Variants in SORCS2 observed in about 807,000 individuals in gnomAD.
SORCS2 encodes the protein sortilin related VPS10 domain containing receptor 2.
A neutral mutation model predicts 141.6 loss-of-function variants in SORCS2; 100 were observed. The ratio of observed to expected loss-of-function variants is 0.71; its 90% CI spans 0.60 to 0.83. The LOEUF is 0.83. SORCS2 is among the 40% of genes least tolerant of loss of function. The pLI, the probability that SORCS2 is intolerant of heterozygous loss-of-function variation, is 0.00. For synonymous variants in SORCS2, 789 were observed against 676.9 expected, an observed-to-expected ratio of 1.17 and a Z score of -2.57; for missense variants, 1,646 against 1,560.2, an observed-to-expected ratio of 1.05 and a Z score of -0.93.
intron 25 of SORCS2, among the ~76,000 whole-genome samples, chr4:7,736,693 G>A (rs1401773548): frequency 6.6e-6 from 1 of 152,202 alleles, no homozygotes; most frequent in Non-Finnish European, 1.5e-5. Context: ...CCTCCTGCGG[G>A]AATGTGTGCC....
intron 1 of SORCS2, among the ~76,000 whole-genome samples, chr4:7,253,686 C>T (rs961852082): frequency 2.3e-4 from 35 of 152,314 alleles, no homozygotes; most frequent in African/African-American, 8.2e-4. Context: ...AGGCAGTGCT[C>T]TATGGTGAGA....
chr4:7,324,957 T>G (rs1719149206), intron 1 of SORCS2, among the ~76,000 whole-genome samples: 1 of 152,214 alleles, frequency 6.6e-6, no homozygotes, highest in Non-Finnish European at 1.5e-5. Flanking sequence ...CTGGCTCTGC[T>G]GAGCGCCCTG....
chr4:7,646,276 G>A (rs1338319526), intron 4 of SORCS2, among the ~76,000 whole-genome samples: 5 of 152,266 alleles, frequency 3.3e-5, no homozygotes, highest in African/African-American at 7.2e-5. Context: ...CAGCTGAGCC[G>A]GGGCTGGGCT....
chr4:7,500,103 C>A (rs1038603001), intron 2 of SORCS2, among the ~76,000 whole-genome samples: 1 of 152,158 alleles, frequency 6.6e-6, no homozygotes, highest in Non-Finnish European at 1.5e-5. Flanking sequence ...GCTTCTGGCA[C>A]CCCCATCCTG....
intron 3 of SORCS2, among the ~76,000 whole-genome samples, chr4:7,588,073 T>C (rs73090822): frequency 0.022 from 3,322 of 152,306 alleles, 122 homozygotes; most frequent in African/African-American, 0.075. Flanking sequence ...AGTCGCTGGG[T>C]CCCTGGAGAG....
intron 9 of SORCS2, among the ~76,000 whole-genome samples, chr4:7,681,612 G>A (rs1433173322): frequency 6.6e-6 from 1 of 152,220 alleles, no homozygotes; most frequent in Non-Finnish European, 1.5e-5. Context: ...TGTGTTGTCT[G>A]AAGCCACTGG....
intron 9 of SORCS2, among the ~76,000 whole-genome samples, chr4:7,680,216 C>T (rs1448667013): frequency 6.6e-6 from 1 of 152,258 alleles, no homozygotes; most frequent in Non-Finnish European, 1.5e-5. Context: ...AAGTCTAGCA[C>T]AGAGGGACCT....
rs767506546 is a variant in SORCS2, at chr4:7,433,428, C to T, written c.548+37073C>T. Reference sequence around the variant, plus strand: ...GGCTCCTGCACCAGAAGCTTGGGCCCAGGGCACACTGGTCGGTGCCCAGCA... The same window carrying T: ...GGCTCCTGCACCAGAAGCTTGGGCCTAGGGCACACTGGTCGGTGCCCAGCA... On this transcript the variant is annotated intron_variant, in intron 2 of 26. Transcript: ENST00000507866. The T allele has an allele frequency of 4.1e-5, 62 of 1,523,220 alleles. 1 individual carries two copies. The highest frequency in any genetic ancestry group is 1.8e-4 in the East Asian group (8 of 43,602). 94.4% of individuals were successfully genotyped at this position (1,523,220 alleles called of 1,614,324 possible).
intron 3 of SORCS2, among the ~76,000 whole-genome samples, chr4:7,606,019 G>C (rs1049398749): frequency 6.6e-6 from 1 of 152,344 alleles, no homozygotes; most frequent in East Asian, 1.9e-4. Flanking sequence ...CCACCGGAGC[G>C]TGGGGACACC....
At chr4:7,344,284 T>A (rs757415998) in intron 1 of SORCS2, among the ~76,000 whole-genome samples, 1 of 152,230 alleles carries the variant, frequency 6.6e-6, no homozygotes, top group Non-Finnish European at 1.5e-5. Context: ...TCTTTGCAGA[T>A]GCTGAGCAGT....
chr4:7,303,520 GTTCT>G (rs1478212345), intron 1 of SORCS2, among the ~76,000 whole-genome samples: 2 of 152,174 alleles, frequency 1.3e-5, no homozygotes, highest in African/African-American at 4.8e-5. Flanking sequence ...GTCAACTCTG[GTTCT>G]TTCTTTCAGT....
chr4:7,581,314 T>G (rs1032340211), intron 3 of SORCS2, among the ~76,000 whole-genome samples: 6 of 152,096 alleles, frequency 3.9e-5, no homozygotes, highest in Admixed American at 2.6e-4. Flanking sequence ...CATTTTTACT[T>G]TTTACATTGG....
intron 11 of SORCS2, among the ~76,000 whole-genome samples, chr4:7,695,918 GGA>G (rs1724668714): frequency 9.1e-6 from 1 of 109,924 alleles, no homozygotes; most frequent in Non-Finnish European, 2.0e-5. Flanking sequence ...ATGGATGGAT[GGA>G]TGGATTGGTG....
intron 12 of SORCS2, among the ~76,000 whole-genome samples, chr4:7,699,770 G>A (rs934108688): frequency 6.6e-6 from 1 of 152,134 alleles, no homozygotes; most frequent in South Asian, 2.1e-4. Context: ...CCATGCACGC[G>A]TTCCACTGCT....
At chr4:7,511,868 A>G (rs1427253098) in intron 2 of SORCS2, among the ~76,000 whole-genome samples, 3 of 152,026 alleles carry the variant, frequency 2.0e-5, no homozygotes, top group Non-Finnish European at 4.4e-5. Flanking sequence ...TTCAGGGGGG[A>G]AATGTCCCTA....
chr4:7,294,426 T>C (rs1716812680), intron 1 of SORCS2, among the ~76,000 whole-genome samples: 1 of 151,948 alleles, frequency 6.6e-6, no homozygotes, highest in South Asian at 2.1e-4. Context: ...GCAGCCGACC[T>C]TCTGGGAACT....
intron 1 of SORCS2, among the ~76,000 whole-genome samples, chr4:7,194,427 G>A (rs1727046978): frequency 6.6e-6 from 1 of 152,174 alleles, no homozygotes; most frequent in Non-Finnish European, 1.5e-5. Flanking sequence ...TGAATATGTT[G>A]GGGCAGGGGT....
At chr4:7,647,636 T>G (rs1005557652) in intron 4 of SORCS2, among the ~76,000 whole-genome samples, 1 of 152,120 alleles carries the variant, frequency 6.6e-6, no homozygotes, top group African/African-American at 2.4e-5. Flanking sequence ...TCATCCACTT[T>G]GGTAAGGGAA....
chr4:7,696,455 C>T (rs892997780), intron 11 of SORCS2, among the ~76,000 whole-genome samples: 3 of 152,180 alleles, frequency 2.0e-5, no homozygotes, highest in Non-Finnish European at 2.9e-5. Flanking sequence ...TATGCACGGC[C>T]GTTGTTCTTT....
Sources: gnomAD v4.1 joint callset for allele counts (sites outside exome capture counted in the v4.1 genomes callset) on GRCh38, gnomAD v4.1.1 for gene constraint, MANE v1.5 for transcripts, NCBI Gene and HGNC (gene_info 2026-07-23, HGNC 2026-07-21) for gene names.